METAP2: variants seen among roughly 807,000 people sequenced by gnomAD.
The protein encoded by METAP2 is methionyl aminopeptidase 2.
A neutral mutation model predicts 59.4 loss-of-function variants in METAP2; 25 were observed. The ratio of observed to expected loss-of-function variants is 0.42; its 90% CI spans 0.31 to 0.59. The LOEUF (loss-of-function observed/expected upper bound fraction) is 0.59, where lower values mean the gene tolerates loss of function less well. Ranked by LOEUF, METAP2 falls within the 20% of genes least tolerant of loss-of-function variation. METAP2 has a pLI of 0.16. For synonymous variants in METAP2, 214 were observed against 194.1 expected (o/e 1.10, Z -0.85); for missense variants, 366 against 581.2 (o/e 0.63, Z 3.81).
At chr12:95,512,302 G>C (rs570703348) in intron 9 of METAP2, among the ~76,000 whole-genome samples, 2 of 152,194 alleles carry the variant, frequency 1.3e-5, no homozygotes, top group African/African-American at 2.4e-5. Flanking sequence ...TAATTCATAG[G>C]GGGAAGCAGA....
rs2076286559 is a variant in METAP2 at position 95,497,882 on chromosome 12, C to CT, written c.867+1787dup. Reference sequence around the variant, plus strand: ...GTGGCTCATGCCTGTAATCCCAGCACTTTGAGAGGCCAAGGCGGGTGGATC... The same window carrying CT: ...GTGGCTCATGCCTGTAATCCCAGCACTTTTGAGAGGCCAAGGCGGGTGGATC... On this transcript the variant is annotated intron_variant, in intron 7 of 10. Transcript: ENST00000323666. Among the ~76,000 whole-genome samples the CT allele has an allele frequency of 4.0e-5, 6 of 151,664 alleles. No homozygotes were observed. In the South Asian group the frequency reaches 1.3e-3, roughly 32 times the overall value.
rs1048790574 is a variant in METAP2, at chr12:95,500,502, A to G, written c.868-3563A>G. ...GAAAGTTTTCCATCTTTGACCATTG[A>G]GTATGATGTTAGCTGTAGGTTTTTC... is the stretch of plus-strand genomic sequence containing the variant. On this transcript the variant is annotated intron_variant, in intron 7 of 10. Transcript: ENST00000323666. Among the ~76,000 whole-genome samples the G allele has an allele frequency of 2.6e-5, 4 of 152,142 alleles. No homozygotes were observed. The East Asian group carries it at 5.8e-4, about 22-fold the overall frequency.
intron 8 of METAP2, among the ~76,000 whole-genome samples, chr12:95,508,852 A>G (rs1472135343): frequency 6.6e-6 from 1 of 152,020 alleles, no homozygotes; most frequent in Non-Finnish European, 1.5e-5. Flanking sequence ...TTATTTCAGT[A>G]CCCCTCTTTT....
At chr12:95,508,298 T>G (rs73231331) in intron 8 of METAP2, among the ~76,000 whole-genome samples, 3,170 of 152,298 alleles carry the variant, frequency 0.021, 43 homozygotes, top group South Asian at 0.057. Context: ...GGAAAATGTT[T>G]TGTCCAGTTC....
At chr12:95,502,553 T>G (rs10859890) in intron 7 of METAP2, among the ~76,000 whole-genome samples, 31,556 of 151,672 alleles carry the variant, frequency 0.21, 3,459 homozygotes, top group East Asian at 0.39. Context: ...TGTGTGTGTG[T>G]GGGGGGGTTT....
chr12:95,501,126 T>C (rs11108074), intron 7 of METAP2, among the ~76,000 whole-genome samples: 35,981 of 150,272 alleles, frequency 0.24, 4,872 homozygotes, highest in East Asian at 0.49. Flanking sequence ...GACTCCTGCC[T>C]CAGCTCCCAA....
intron 3 of METAP2, among the ~76,000 whole-genome samples, chr12:95,485,626 G>T (rs2076190637): frequency 1.3e-5 from 2 of 152,090 alleles, no homozygotes; most frequent in Non-Finnish European, 2.9e-5. Context: ...TTAGAAGTGT[G>T]CCTTTTGCCA....
rs1416729056 is a variant in METAP2 at position 95,515,831 on chromosome 12, C to CAA, written c.*1928_*1929dup. 2 of 152,178 alleles carry CAA rather than the reference C, an allele frequency of 1.3e-5. No homozygotes were observed. The highest frequency in any genetic ancestry group is 2.9e-5 in the Non-Finnish European group (2 of 68,018). The allele number at this position is 152,178 out of a possible 1,614,324, so 9.4% of individuals were successfully genotyped here. ...ATAGTGCCTTTAGTAAATTATTTTA[C>CAA]AACTAAAACATGTTGTTTTTTGTTA... On this transcript the variant is annotated 3_prime_UTR_variant, in exon 11 of 11. Coordinates refer to ENST00000323666, the MANE Select transcript of METAP2 (RefSeq NM_006838.4).
At chr12:95,506,602 A>G (rs1387296737) in intron 8 of METAP2, among the ~76,000 whole-genome samples, 2 of 151,748 alleles carry the variant, frequency 1.3e-5, no homozygotes, top group Non-Finnish European at 2.9e-5. Flanking sequence ...CCCAGCCTAT[A>G]TATGTTTTTT....
chr12:95,489,300 A>C (rs1486319774), intron 4 of METAP2, among the ~76,000 whole-genome samples: 5 of 152,192 alleles, frequency 3.3e-5, no homozygotes, highest in Admixed American at 2.6e-4. Context: ...TCCTTACTCT[A>C]AGCTTCTATT....
intron 4 of METAP2, among the ~76,000 whole-genome samples, chr12:95,491,789 G>A (rs1291309495): frequency 6.6e-6 from 1 of 150,984 alleles, no homozygotes; most frequent in Non-Finnish European, 1.5e-5. Flanking sequence ...TAGGATTACA[G>A]GTGTGAGCGA....
chr12:95,486,501 C>CTT (rs796963696), intron 4 of METAP2, among the ~76,000 whole-genome samples: 1 of 142,658 alleles, frequency 7.0e-6, no homozygotes. Flanking sequence ...TTTAATGTTA[C>CTT]TTTTTTTTTT....
At chr12:95,512,273 A>T (rs1412365621) in intron 9 of METAP2, among the ~76,000 whole-genome samples, 3 of 152,192 alleles carry the variant, frequency 2.0e-5, no homozygotes, top group African/African-American at 7.2e-5. Flanking sequence ...AGTAGGCTCT[A>T]GGGGTAGAGC....
Position 95,487,813 on chromosome 12 carries a change from C to A in METAP2, c.428+1832C>A, listed in dbSNP as rs146408781. ...CAGTGCTAACTCTTGGAAGTTCCTCCAAGTCAATTAGAATAGTTCTATTAT... is the reference window on the plus strand; with the variant it reads ...CAGTGCTAACTCTTGGAAGTTCCTCAAAGTCAATTAGAATAGTTCTATTAT... On this transcript the variant is annotated intron_variant, in intron 4 of 10. Coordinates refer to ENST00000323666, the MANE Select transcript of METAP2 (RefSeq NM_006838.4). Among the ~76,000 whole-genome samples, 182 of 152,208 alleles carry A rather than the reference C, an allele frequency of 1.2e-3. 1 individual carries two copies. The highest frequency in any genetic ancestry group is 3.9e-3 in the African/African-American group (162 of 41,542).
intron 2 of METAP2, among the ~76,000 whole-genome samples, chr12:95,482,882 A>T (rs1215207387): frequency 6.6e-6 from 1 of 152,212 alleles, no homozygotes; most frequent in East Asian, 1.9e-4. Context: ...GTCCTAGATC[A>T]CGTTACCTCC....
At position 95,477,681 on chromosome 12, in the gene METAP2, C is replaced by T. The variant is rs188060746; in HGVS notation, c.259+1503C>T. ...CTACTACTGAGAACATCTGCTCCCCCTCAAGCACCACCAGCCTGGGGTTAG... is the reference window on the plus strand; with the variant it reads ...CTACTACTGAGAACATCTGCTCCCCTTCAAGCACCACCAGCCTGGGGTTAG... On this transcript the variant is annotated intron_variant, in intron 2 of 10. Transcript: ENST00000323666. Among the ~76,000 whole-genome samples, 233 of 152,288 alleles carry T rather than the reference C, an allele frequency of 1.5e-3. 1 individual carries two copies. Among genetic ancestry groups the T allele is most frequent in the Admixed American group, 5.1e-3 (78 of 15,300 alleles).
chr12:95,498,037 G>A (rs10459154), intron 7 of METAP2, among the ~76,000 whole-genome samples: 35,816 of 151,184 alleles, frequency 0.24, 4,839 homozygotes, highest in East Asian at 0.48. Context: ...GGAGGCTGAG[G>A]CAGGAGAATG....
chr12:95,510,082 C>G (rs1288241193), intron 8 of METAP2, among the ~76,000 whole-genome samples: 1 of 152,194 alleles, frequency 6.6e-6, no homozygotes, highest in African/African-American at 2.4e-5. Flanking sequence ...AGTCATCCAC[C>G]TGCCTTGGCC....
Position 95,514,216 on chromosome 12 carries a change from T to C in METAP2, c.*312T>C. ...ACCTAAGAGATACTTTTTGGATATT[T>C]ATATTGCCATATTCTTACTTGAATG... is the stretch of plus-strand genomic sequence containing the variant. On this transcript the variant is annotated 3_prime_UTR_variant, in exon 11 of 11. Transcript: ENST00000323666. 1 of 285,324 alleles carries C rather than the reference T, an allele frequency of 3.5e-6. No homozygotes were observed. The highest frequency in any genetic ancestry group is 6.5e-6 in the Non-Finnish European group (1 of 154,538). 17.7% of individuals were successfully genotyped at this position (285,324 alleles called of 1,614,324 possible). A position where few individuals can be genotyped will look rare whatever the true frequency, so the allele number is the denominator to read the frequency against.
Sources: allele counts gnomAD v4.1 joint callset (sites outside exome capture counted in the v4.1 genomes callset), GRCh38; gene constraint gnomAD v4.1.1; transcripts MANE v1.5; gene names NCBI Gene and HGNC (gene_info 2026-07-23, HGNC 2026-07-21).